TIMP3: variants seen among roughly 807,000 people sequenced by gnomAD.
TIMP3 encodes TIMP metallopeptidase inhibitor 3, also known as metalloproteinase inhibitor 3.
In TIMP3, 11 loss-of-function variants were observed where a neutral mutation model predicts 30.0. The ratio of observed to expected loss-of-function variants is 0.37; its 90% CI spans 0.23 to 0.61. The LOEUF (loss-of-function observed/expected upper bound fraction) is 0.61, where lower values mean the gene tolerates loss of function less well. Ranked by LOEUF, TIMP3 falls within the 20% of genes least tolerant of loss-of-function variation. The probability of loss-of-function intolerance (pLI) is 0.70; values close to 1 mark genes in which losing one functional copy is unlikely to be tolerated. For missense variants in TIMP3, 181 were observed against 276.8 expected (o/e 0.65, Z 2.45); for synonymous variants, 112 against 111.3 (o/e 1.01, Z -0.04).
intron 1 of TIMP3, among the ~76,000 whole-genome samples, chr22:32,815,602 C>T (rs1021639516): frequency 6.6e-6 from 1 of 152,110 alleles, no homozygotes; most frequent in East Asian, 1.9e-4. Flanking sequence ...TATTTGTTGA[C>T]AGCTATTTTA....
intron 1 of TIMP3, among the ~76,000 whole-genome samples, chr22:32,817,145 G>A (rs2047108022): frequency 6.6e-6 from 1 of 151,814 alleles, no homozygotes; most frequent in Admixed American, 6.6e-5. Context: ...TTGAGTCCAC[G>A]AGGTTGAGGC....
At chr22:32,833,643 G>C (rs1380848468) in intron 1 of TIMP3, among the ~76,000 whole-genome samples, 1 of 152,224 alleles carries the variant, frequency 6.6e-6, no homozygotes, top group African/African-American at 2.4e-5. Flanking sequence ...AGGCAGGTAG[G>C]ACCCAGAGAT....
In TIMP3 at chr22:32,859,225, G is replaced by T. The variant is rs137853302; in HGVS notation, c.484G>T (p.Glu162Ter). The change falls in exon 5 of 5, where the codon GAG becomes TAG. Residue 162 changes from glutamate (E) to a stop codon, truncating the protein, a stop_gained. Transcript: ENST00000266085. LOFTEE classifies it high-confidence loss of function. ...YLPCFVTSKN[E>*]CLWTDMLSNF... ...GCCTTGCTTTGTGACTTCCAAGAAC[G>T]AGTGTCTCTGGACCGACATGCTCTC... 6.2e-7 allele frequency: 1 copy of T among 1,614,152 alleles called. No homozygotes were observed. The highest frequency in any genetic ancestry group is 8.5e-7 in the Non-Finnish European group (1 of 1,180,042).
At chr22:32,829,999 CCAGT>C (rs2047526637) in intron 1 of TIMP3, among the ~76,000 whole-genome samples, 1 of 152,214 alleles carries the variant, frequency 6.6e-6, no homozygotes, top group Non-Finnish European at 1.5e-5. Context: ...TGGACTGATA[CCAGT>C]CAATGTCCCT....
intron 1 of TIMP3, among the ~76,000 whole-genome samples, chr22:32,814,174 A>G (rs376583865): frequency 0.078 from 3,966 of 50,600 alleles, 77 homozygotes; most frequent in Non-Finnish European, 0.085. Context: ...GAGAAAGAGA[A>G]AGAAAGAAAA....
chr22:32,814,896 G>A (rs960929444), intron 1 of TIMP3, among the ~76,000 whole-genome samples: 6 of 152,002 alleles, frequency 3.9e-5, no homozygotes, highest in Admixed American at 6.6e-5. Flanking sequence ...TTAAAAAAAC[G>A]AGGAAAAAGT....
intron 1 of TIMP3, among the ~76,000 whole-genome samples, chr22:32,811,620 C>T (rs1405500266): frequency 6.6e-6 from 1 of 152,214 alleles, no homozygotes; most frequent in Non-Finnish European, 1.5e-5. Flanking sequence ...CAACTCTTCA[C>T]ATTTTAGAGT....
intron 2 of TIMP3, 112 bp downstream of exon 2, chr22:32,849,646 C>A: frequency 1.1e-6 from 1 of 896,692 alleles, no homozygotes; most frequent in South Asian, 1.4e-5. Flanking sequence ...TAAGCACCAG[C>A]CAGACCCAGC....
chr22:32,832,274 A>G (rs543744690), intron 1 of TIMP3, among the ~76,000 whole-genome samples: 1 of 151,860 alleles, frequency 6.6e-6, no homozygotes, highest in East Asian at 1.9e-4. Context: ...GGACCACTAC[A>G]ACGAAGAGAA....
chr22:32,802,981 C>T (rs941464982), intron 1 of TIMP3, among the ~76,000 whole-genome samples: 3 of 152,140 alleles, frequency 2.0e-5, no homozygotes, highest in Admixed American at 6.5e-5. Context: ...GTAAAGAGAC[C>T]TCCTACTCCT....
At chr22:32,813,486 TACACACACACACACACACAC>T (rs130277) in intron 1 of TIMP3, among the ~76,000 whole-genome samples, 23 of 138,286 alleles carry the variant, frequency 1.7e-4, no homozygotes, top group East Asian at 6.5e-4. Flanking sequence ...TCTGAAAAGA[TACACACACACACACACACAC>T]ACACACACAC....
At chr22:32,858,174 TG>T in intron 4 of TIMP3, 36 bp downstream of exon 4, 2 of 1,609,734 alleles carry the variant, frequency 1.2e-6, no homozygotes, top group Non-Finnish European at 1.7e-6. Context: ...GGAGGGGAGG[TG>T]CTGACTTGCA....
chr22:32,840,620 G>A lies in TIMP3; in HGVS notation c.122-8832G>A, dbSNP rs535217856. ...CGGCTGTGATTCTGCCTCACTTCCA[G>A]CTGCTCTCCTTACCGCCGCCCCCTC... On this transcript the variant is annotated intron_variant, in intron 1 of 4. Transcript: ENST00000266085. Among the ~76,000 whole-genome samples the A allele has an allele frequency of 2.0e-5, 3 of 152,028 alleles. No homozygotes were observed. The East Asian group carries it at 5.8e-4, about 30-fold the overall frequency.
chr22:32,813,516 C>CACACAT (rs1555969677), intron 1 of TIMP3, among the ~76,000 whole-genome samples: 31 of 147,438 alleles, frequency 2.1e-4, no homozygotes, highest in African/African-American at 7.8e-4. Flanking sequence ...CACACACACA[C>CACACAT]ACACACACAC....
chr22:32,807,319 A>G (rs1426563240), intron 1 of TIMP3, among the ~76,000 whole-genome samples: 1 of 106,044 alleles, frequency 9.4e-6, no homozygotes, highest in Non-Finnish European at 1.8e-5. Flanking sequence ...TATATAATAT[A>G]TAAATATATA....
rs191169275 is a variant in TIMP3, at chr22:32,845,947, G to A, written c.122-3505G>A. ...ACATTTGAATTACAGAGGAGAAACT[G>A]GAGCAAATACGGACAGATTAATGCA... On this transcript the variant is annotated intron_variant, in intron 1 of 4. Coordinates refer to ENST00000266085, the MANE Select transcript of TIMP3 (RefSeq NM_000362.5). Among the ~76,000 whole-genome samples the A allele has an allele frequency of 5.3e-5, 8 of 152,334 alleles. No homozygotes were observed. The East Asian group carries it at 1.2e-3, about 22-fold the overall frequency.
chr22:32,805,252 C>A (rs2046697467), intron 1 of TIMP3, among the ~76,000 whole-genome samples: 1 of 152,150 alleles, frequency 6.6e-6, no homozygotes, highest in Non-Finnish European at 1.5e-5. Flanking sequence ...GGGCCGGCTG[C>A]CAGCCCCAGA....
chr22:32,818,652 C>T (rs180721019), intron 1 of TIMP3, among the ~76,000 whole-genome samples: 202 of 152,288 alleles, frequency 1.3e-3, no homozygotes, highest in African/African-American at 4.6e-3. Context: ...TGTTTGTCTC[C>T]CCTCCGGCGC....
intron 4 of TIMP3, 51 bp downstream of exon 4, chr22:32,858,189 C>G: frequency 6.2e-7 from 1 of 1,606,036 alleles, no homozygotes; most frequent in Non-Finnish European, 8.5e-7. Flanking sequence ...ACTTGCAGCC[C>G]TAGAAACATC....
Sources: gnomAD v4.1 joint callset for allele counts (sites outside exome capture counted in the v4.1 genomes callset) on GRCh38, gnomAD v4.1.1 for gene constraint, MANE v1.5 for transcripts, NCBI Gene and HGNC (gene_info 2026-07-23, HGNC 2026-07-21) for gene names.